GRID2: variants seen among roughly 807,000 people sequenced by gnomAD.
GRID2 encodes the protein glutamate ionotropic receptor delta type subunit 2.
In GRID2, 33 loss-of-function variants were observed where a neutral mutation model predicts 114.8. That is an observed-to-expected ratio of 0.29 (90% confidence interval 0.22 to 0.38). The LOEUF is 0.38. Among genes scored for constraint, GRID2 ranks in the 10% least tolerant of loss-of-function variants. The probability of loss-of-function intolerance (pLI) is 1.00; values close to 1 mark genes in which losing one functional copy is unlikely to be tolerated. For missense variants in GRID2, 1,184 were observed against 1,257.7 expected, an observed-to-expected ratio of 0.94 and a Z score of 0.89; for synonymous variants, 505 against 449.9, an observed-to-expected ratio of 1.12 and a Z score of -1.55.
chr4:92,592,601 G>C (rs958358320), intron 2 of GRID2, among the ~76,000 whole-genome samples: 6 of 152,042 alleles, frequency 3.9e-5, no homozygotes, highest in Admixed American at 2.6e-4. Context: ...AAGGTTCCCA[G>C]ATAGAGACCA....
Position 92,446,516 on chromosome 4 carries a change from G to T in GRID2, c.88+141772G>T, listed in dbSNP as rs1459298743. ...GACTTCTGTGTGGCTCTCCTATGAGGCTCATTCATGGATTCTTTAGAGGAC... is the reference window on the plus strand; with the variant it reads ...GACTTCTGTGTGGCTCTCCTATGAGTCTCATTCATGGATTCTTTAGAGGAC... On this transcript the variant is annotated intron_variant, in intron 1 of 15. Transcript: ENST00000282020. Among the ~76,000 whole-genome samples the T allele has an allele frequency of 2.6e-5, 4 of 152,124 alleles. No individual in the cohort carries two copies. The East Asian group carries it at 7.7e-4, about 29-fold the overall frequency.
chr4:93,575,029 A>G (rs1375122866), intron 13 of GRID2, among the ~76,000 whole-genome samples: 1 of 152,168 alleles, frequency 6.6e-6, no homozygotes, highest in Non-Finnish European at 1.5e-5. Context: ...TTTCTCTGGC[A>G]GCATAGCCAG....
chr4:92,815,708 T>C (rs547794127), intron 2 of GRID2, among the ~76,000 whole-genome samples: 1 of 146,786 alleles, frequency 6.8e-6, no homozygotes, highest in South Asian at 2.2e-4. Context: ...AGCAAAGGAG[T>C]TCAATACCAG....
chr4:93,092,370 A>G (rs1185963751), intron 3 of GRID2, among the ~76,000 whole-genome samples: 1 of 152,114 alleles, frequency 6.6e-6, no homozygotes, highest in Admixed American at 6.6e-5. Flanking sequence ...TATCTACAAC[A>G]CTTTCAGGCA....
chr4:92,653,305 A>T (rs1156284620), intron 2 of GRID2, among the ~76,000 whole-genome samples: 1 of 63,390 alleles, frequency 1.6e-5, no homozygotes, highest in Non-Finnish European at 3.6e-5. Context: ...GGCCAAAATT[A>T]CACACACACA....
intron 2 of GRID2, among the ~76,000 whole-genome samples, chr4:92,932,224 A>C (rs558932558): frequency 6.6e-5 from 10 of 151,474 alleles, no homozygotes; most frequent in Non-Finnish European, 1.5e-4. Flanking sequence ...ATATGAAAAA[A>C]ACAACACATT....
intron 2 of GRID2, among the ~76,000 whole-genome samples, chr4:92,847,888 T>G (rs1266575749): frequency 1.3e-5 from 2 of 152,014 alleles, no homozygotes; most frequent in Non-Finnish European, 2.9e-5. Context: ...TTTTATTCAG[T>G]AGACAGTATT....
At chr4:92,813,532 C>G (rs1482113352) in intron 2 of GRID2, among the ~76,000 whole-genome samples, 1 of 152,028 alleles carries the variant, frequency 6.6e-6, no homozygotes, top group Non-Finnish European at 1.5e-5. Context: ...ATTCATAATA[C>G]AAATAATGCT....
intron 3 of GRID2, among the ~76,000 whole-genome samples, chr4:93,093,504 G>C (rs1730952166): frequency 6.6e-6 from 1 of 151,970 alleles, no homozygotes; most frequent in Admixed American, 6.6e-5. Context: ...AAATCTCCTT[G>C]AATATTTGTG....
chr4:93,259,652 T>G (rs937576217), intron 8 of GRID2, among the ~76,000 whole-genome samples: 1 of 151,894 alleles, frequency 6.6e-6, no homozygotes, highest in Non-Finnish European at 1.5e-5. Context: ...AGTTATTTTT[T>G]AATATATTTT....
chr4:92,458,430 T>C (rs573194044), intron 1 of GRID2, among the ~76,000 whole-genome samples: 41 of 152,302 alleles, frequency 2.7e-4, no homozygotes, highest in Non-Finnish European at 4.9e-4. Flanking sequence ...TCTTTAATGG[T>C]AAATTTTAAA....
intron 1 of GRID2, among the ~76,000 whole-genome samples, chr4:92,476,272 G>A (rs531554187): frequency 5.9e-4 from 90 of 152,110 alleles, no homozygotes; most frequent in Admixed American, 2.5e-3. Flanking sequence ...TGATCCGCCC[G>A]CCTTGGCTTC....
intron 14 of GRID2, among the ~76,000 whole-genome samples, chr4:93,760,715 G>T (rs1302002974): frequency 1.3e-5 from 2 of 152,106 alleles, no homozygotes; most frequent in Non-Finnish European, 1.5e-5. Flanking sequence ...AGTACTTCTG[G>T]TCACACATAA....
At chr4:92,959,483 C>A (rs914676408) in intron 2 of GRID2, among the ~76,000 whole-genome samples, 13 of 151,602 alleles carry the variant, frequency 8.6e-5, no homozygotes, top group African/African-American at 1.4e-4. Flanking sequence ...TGCCCCGTAA[C>A]CTTCAGCAAT....
chr4:93,459,667 C>T (rs1217470063), intron 11 of GRID2, among the ~76,000 whole-genome samples: 1 of 152,140 alleles, frequency 6.6e-6, no homozygotes, highest in Non-Finnish European at 1.5e-5. Context: ...TGCCAATATG[C>T]TGATGACTCC....
chr4:92,643,532 T>C (rs1731463047), intron 2 of GRID2, among the ~76,000 whole-genome samples: 1 of 151,826 alleles, frequency 6.6e-6, no homozygotes, highest in African/African-American at 2.4e-5. Context: ...CATTTTTATA[T>C]ACTAATAACA....
intron 2 of GRID2, among the ~76,000 whole-genome samples, chr4:92,601,579 T>C (rs1020836926): frequency 1.3e-5 from 2 of 151,964 alleles, no homozygotes; most frequent in Non-Finnish European, 2.9e-5. Flanking sequence ...ATCAAAAAGC[T>C]AGAAAGATGT....
intron 9 of GRID2, among the ~76,000 whole-genome samples, chr4:93,421,144 T>G (rs776776899): frequency 1.8e-4 from 27 of 152,202 alleles, no homozygotes; most frequent in South Asian, 4.1e-4. Flanking sequence ...TAGTCTCAGA[T>G]AGTTACCAGA....
chr4:92,489,223 A>G (rs1026304874), intron 1 of GRID2, among the ~76,000 whole-genome samples: 3 of 152,214 alleles, frequency 2.0e-5, no homozygotes, highest in African/African-American at 7.2e-5. Flanking sequence ...ATAACAATAT[A>G]ATTTTTTTAA....
Sources: gnomAD v4.1 joint callset for allele counts (sites outside exome capture counted in the v4.1 genomes callset) on GRCh38, gnomAD v4.1.1 for gene constraint, MANE v1.5 for transcripts, NCBI Gene and HGNC (gene_info 2026-07-23, HGNC 2026-07-21) for gene names.